Variants in CSNK1G3 observed in about 807,000 individuals in gnomAD.
The protein encoded by CSNK1G3 is casein kinase 1 gamma 3, also known as casein kinase I isoform gamma-3.
CSNK1G3 carries 23 observed loss-of-function variants against 64.3 expected under a neutral mutation model. That is an observed-to-expected ratio of 0.36 (90% CI 0.26 to 0.51). CSNK1G3 has a LOEUF of 0.51. Ranked by LOEUF, CSNK1G3 falls within the 20% of genes least tolerant of loss-of-function variation. CSNK1G3 has a pLI of 0.96. For missense variants in CSNK1G3, 357 were observed against 510.5 expected (o/e 0.70, Z 2.90); for synonymous variants, 158 against 162.2 (o/e 0.97, Z 0.20).
At position 123,536,789 on chromosome 5, in the gene CSNK1G3, C is replaced by T. The variant is rs941747806; in HGVS notation, c.-247-8628C>T. On this transcript the variant is annotated intron_variant, in intron 1 of 12. Transcript: ENST00000345990. The stretch of plus-strand genomic sequence containing the variant: ...TTAGTGGGCAAAGGACATGAATAGA[C>T]ATTTTTCAAAAGAAGATACACACAT... Among the ~76,000 whole-genome samples, 76 of 151,998 alleles carry T rather than the reference C, an allele frequency of 5.0e-4. 3 individuals are homozygous for T. Among genetic ancestry groups the T allele is most frequent in the Non-Finnish European group, 2.9e-5 (2 of 67,960 alleles).
intron 1 of CSNK1G3, among the ~76,000 whole-genome samples, chr5:123,534,386 A>G (rs931558510): frequency 1.3e-5 from 2 of 152,106 alleles, no homozygotes; most frequent in African/African-American, 4.8e-5. Context: ...CAAGGATTCC[A>G]AGACCTGGGA....
chr5:123,516,004 T>C (rs1273874934), intron 1 of CSNK1G3, among the ~76,000 whole-genome samples: 1 of 152,182 alleles, frequency 6.6e-6, no homozygotes, highest in East Asian at 1.9e-4. Context: ...TCAGTTTTTT[T>C]TTCTGACTTC....
At chr5:123,572,650 G>A (rs1788351549) in intron 4 of CSNK1G3, among the ~76,000 whole-genome samples, 1 of 152,190 alleles carries the variant, frequency 6.6e-6, no homozygotes, top group African/African-American at 2.4e-5. Flanking sequence ...ATAGAACTGT[G>A]TGGCCCTTAC....
At chr5:123,608,212 T>C (rs938545007) in intron 12 of CSNK1G3, among the ~76,000 whole-genome samples, 1 of 152,182 alleles carries the variant, frequency 6.6e-6, no homozygotes, top group Non-Finnish European at 1.5e-5. Flanking sequence ...TTACCTATAA[T>C]TAGCAGAGAT....
At chr5:123,571,613 G>A (rs1264148044) in intron 4 of CSNK1G3, among the ~76,000 whole-genome samples, 1 of 152,072 alleles carries the variant, frequency 6.6e-6, no homozygotes, top group Non-Finnish European at 1.5e-5. Flanking sequence ...TAAGAATGTA[G>A]TTTTCTTGGT....
At chr5:123,551,908 A>G (rs1449068807) in intron 2 of CSNK1G3, among the ~76,000 whole-genome samples, 2 of 152,174 alleles carry the variant, frequency 1.3e-5, no homozygotes, top group Non-Finnish European at 2.9e-5. Flanking sequence ...CATTCTTTTT[A>G]GTGTACTTAT....
At chr5:123,526,872 G>A (rs975433202) in intron 1 of CSNK1G3, among the ~76,000 whole-genome samples, 1 of 129,966 alleles carries the variant, frequency 7.7e-6, no homozygotes, top group African/African-American at 3.1e-5. Context: ...GTGTGTGTGT[G>A]TGTGTGTGTA....
chr5:123,547,411 CAT>C (rs1359565039), intron 2 of CSNK1G3, among the ~76,000 whole-genome samples: 2 of 152,024 alleles, frequency 1.3e-5, no homozygotes, highest in African/African-American at 2.4e-5. Flanking sequence ...AATACACACA[CAT>C]ATATACACAC....
At chr5:123,607,132 G>C (rs1561626864) in intron 12 of CSNK1G3, among the ~76,000 whole-genome samples, 1 of 152,024 alleles carries the variant, frequency 6.6e-6, no homozygotes, top group African/African-American at 2.4e-5. Flanking sequence ...ATTGCTATAG[G>C]AAGGGTTCTC....
At chr5:123,521,460 C>G (rs1213339871) in intron 1 of CSNK1G3, among the ~76,000 whole-genome samples, 2 of 152,024 alleles carry the variant, frequency 1.3e-5, no homozygotes, top group South Asian at 4.1e-4. Flanking sequence ...TGAGTATTTT[C>G]TGATATCTAT....
intron 10 of CSNK1G3, 54 bp from the exon 11 acceptor site, chr5:123,594,985 A>G (rs1427533319): frequency 2.4e-5 from 35 of 1,461,196 alleles, no homozygotes; most frequent in Non-Finnish European, 3.3e-5. Flanking sequence ...AAAATGTTTA[A>G]CATATTGGGT....
chr5:123,552,883 C>G, intron 2 of CSNK1G3: 1 of 296,466 alleles, frequency 3.4e-6, no homozygotes, highest in East Asian at 5.8e-5. Flanking sequence ...CTACTAGTAT[C>G]TGTAGTGTCT....
intron 3 of CSNK1G3, among the ~76,000 whole-genome samples, chr5:123,554,294 T>C (rs1231511782): frequency 1.3e-5 from 2 of 152,188 alleles, no homozygotes; most frequent in Non-Finnish European, 2.9e-5. Flanking sequence ...CCTTGGCTTA[T>C]GAAACAAAAC....
intron 6 of CSNK1G3, among the ~76,000 whole-genome samples, chr5:123,584,867 C>T (rs867953705): frequency 5.3e-5 from 8 of 152,194 alleles, no homozygotes; most frequent in Middle Eastern, 6.8e-3. Context: ...TAAGTTGTTT[C>T]GTAGTATTCT....
chr5:123,549,733 T>A (rs1431792159), intron 2 of CSNK1G3, among the ~76,000 whole-genome samples: 2 of 152,224 alleles, frequency 1.3e-5, no homozygotes, highest in Non-Finnish European at 2.9e-5. Flanking sequence ...TGTGACTTCC[T>A]GTTTAGAATT....
intron 1 of CSNK1G3, among the ~76,000 whole-genome samples, chr5:123,544,368 A>G (rs1362132242): frequency 2.0e-5 from 3 of 152,282 alleles, no homozygotes; most frequent in East Asian, 1.9e-4. Context: ...GTTAGTCACT[A>G]CTTGTAACAG....
chr5:123,530,160 G>A (rs562838694), intron 1 of CSNK1G3, among the ~76,000 whole-genome samples: 69 of 151,984 alleles, frequency 4.5e-4, no homozygotes, highest in African/African-American at 1.4e-3. Context: ...ATGATAAAGG[G>A]TATTACAAAT....
At chr5:123,577,712 T>A (rs1244514194) in intron 6 of CSNK1G3, among the ~76,000 whole-genome samples, 1 of 151,722 alleles carries the variant, frequency 6.6e-6, no homozygotes, top group African/African-American at 2.4e-5. Context: ...CTTATTTTAT[T>A]GAAGAGTTTT....
intron 8 of CSNK1G3, among the ~76,000 whole-genome samples, chr5:123,589,524 A>T (rs1189274423): frequency 5.3e-5 from 8 of 152,054 alleles, no homozygotes. Flanking sequence ...GTCACTGCAC[A>T]CCACTTTTGT....
Sources: gnomAD v4.1 joint callset for allele counts (sites outside exome capture counted in the v4.1 genomes callset) on GRCh38, gnomAD v4.1.1 for gene constraint, MANE v1.5 for transcripts, NCBI Gene and HGNC (gene_info 2026-07-23, HGNC 2026-07-21) for gene names.